CSGALNACT1: variants seen among roughly 807,000 people sequenced by gnomAD.
The protein encoded by CSGALNACT1 is chondroitin sulfate N-acetylgalactosaminyltransferase 1.
Under a neutral mutation model 51.0 loss-of-function variants are expected in CSGALNACT1, and 52 were observed. The ratio of observed to expected loss-of-function variants is 1.02; its 90% CI spans 0.82 to 1.29. The LOEUF is 1.29. Ranked by LOEUF, CSGALNACT1 falls within the 50% of genes most tolerant of loss-of-function variation. CSGALNACT1 has a pLI of 0.00. For missense variants in CSGALNACT1, 935 were observed against 679.2 expected, an observed-to-expected ratio of 1.38 and a Z score of -4.19; for synonymous variants, 341 against 254.4, an observed-to-expected ratio of 1.34 and a Z score of -3.24.
At chr8:19,695,753 T>C (rs2061549729) in intron 1 of CSGALNACT1, among the ~76,000 whole-genome samples, 1 of 152,290 alleles carries the variant, frequency 6.6e-6, no homozygotes, top group African/African-American at 2.4e-5. Context: ...TGTGATATCA[T>C]GCACATGTTG....
intron 1 of CSGALNACT1, among the ~76,000 whole-genome samples, chr8:19,672,346 C>T (rs1329446577): frequency 6.6e-6 from 1 of 151,886 alleles, no homozygotes; most frequent in African/African-American, 2.4e-5. Flanking sequence ...AATAAATGAA[C>T]AAAAAAAATT....
intron 3 of CSGALNACT1, among the ~76,000 whole-genome samples, chr8:19,545,971 T>A (rs868282035): frequency 6.6e-6 from 1 of 151,714 alleles, no homozygotes; most frequent in Non-Finnish European, 1.5e-5. Context: ...GCAAACTGCA[T>A]GTATAGTTAT....
At chr8:19,642,116 A>G (rs557871740) in intron 1 of CSGALNACT1, 1 of 152,348 alleles carries the variant, frequency 6.6e-6, no homozygotes, top group African/African-American at 2.4e-5. Flanking sequence ...ACAGAGTTCC[A>G]TTCTGCCTGA....
intron 1 of CSGALNACT1, among the ~76,000 whole-genome samples, chr8:19,621,276 GA>G (rs1014901885): frequency 4.6e-5 from 7 of 151,210 alleles, no homozygotes; most frequent in South Asian, 4.2e-4. Flanking sequence ...TTGATGAGGG[GA>G]AAAAAAACCC....
At chr8:19,426,647 C>T (rs536428264) in intron 6 of CSGALNACT1, among the ~76,000 whole-genome samples, 28 of 152,220 alleles carry the variant, frequency 1.8e-4, no homozygotes, top group Admixed American at 6.5e-4. Flanking sequence ...AAAACTCTTC[C>T]ATTTCCCAGT....
intron 3 of CSGALNACT1, among the ~76,000 whole-genome samples, chr8:19,540,262 C>A (rs1449553925): frequency 6.6e-6 from 1 of 152,184 alleles, no homozygotes; most frequent in Non-Finnish European, 1.5e-5. Context: ...CCCCTTCTGT[C>A]TGCTGAATTA....
intron 2 of CSGALNACT1, among the ~76,000 whole-genome samples, chr8:19,593,822 C>T (rs2048334215): frequency 6.6e-6 from 1 of 152,200 alleles, no homozygotes; most frequent in Non-Finnish European, 1.5e-5. Context: ...CATTCCTTCC[C>T]TTGAGGGCTG....
At chr8:19,721,643 G>A (rs1702270448) in intron 1 of CSGALNACT1, among the ~76,000 whole-genome samples, 1 of 152,138 alleles carries the variant, frequency 6.6e-6, no homozygotes, top group African/African-American at 2.4e-5. Context: ...CACATTCCAT[G>A]ACAAACACAG....
chr8:19,553,639 A>ATATATATATATATATATATATATAT (rs869251447), intron 3 of CSGALNACT1, among the ~76,000 whole-genome samples: 11 of 126,574 alleles, frequency 8.7e-5, no homozygotes, highest in South Asian at 2.5e-4. Context: ...ATATATATAT[A>ATATATATATATATATATATATATAT]AAAAAATATG....
intron 4 of CSGALNACT1, among the ~76,000 whole-genome samples, chr8:19,486,482 C>T (rs2072970508): frequency 6.6e-6 from 1 of 152,138 alleles, no homozygotes; most frequent in African/African-American, 2.4e-5. Context: ...CTTCTCAGAC[C>T]TCATCTCCTC....
At chr8:19,724,206 C>T (rs1267741403) in intron 1 of CSGALNACT1, among the ~76,000 whole-genome samples, 2 of 152,188 alleles carry the variant, frequency 1.3e-5, no homozygotes, top group African/African-American at 4.8e-5. Flanking sequence ...CAGCCTAAAA[C>T]CACCCAAGTG....
intron 2 of CSGALNACT1, among the ~76,000 whole-genome samples, chr8:19,593,871 T>G (rs556787906): frequency 1.3e-5 from 2 of 152,290 alleles, no homozygotes; most frequent in African/African-American, 4.8e-5. Context: ...CCCATCTGTC[T>G]CAAGACCCTT....
chr8:19,649,855 G>T (rs1207583745), intron 1 of CSGALNACT1, among the ~76,000 whole-genome samples: 4 of 54,750 alleles, frequency 7.3e-5, no homozygotes, highest in Non-Finnish European at 1.5e-4. Context: ...ACCACGGGGG[G>T]AGGCATTATG....
chr8:19,421,800 G>A (rs1213449881), intron 6 of CSGALNACT1, among the ~76,000 whole-genome samples: 2 of 152,296 alleles, frequency 1.3e-5, no homozygotes, highest in East Asian at 3.9e-4. Context: ...CTGGGAGTGA[G>A]CTTGGATTCT....
chr8:19,702,734 G>C (rs188858070), intron 1 of CSGALNACT1, among the ~76,000 whole-genome samples: 1 of 152,178 alleles, frequency 6.6e-6, no homozygotes, highest in Non-Finnish European at 1.5e-5. Context: ...AGTTCCATGT[G>C]TCTATACCAG....
intron 3 of CSGALNACT1, among the ~76,000 whole-genome samples, chr8:19,563,104 G>C (rs1453262222): frequency 1.3e-5 from 2 of 152,144 alleles, no homozygotes; most frequent in Non-Finnish European, 2.9e-5. Context: ...GCCATAAAAA[G>C]AAAGGAGATC....
chr8:19,440,122 G>T (rs554239091), intron 5 of CSGALNACT1, among the ~76,000 whole-genome samples, 191 bp from the exon 5 acceptor site: 3 of 152,080 alleles, frequency 2.0e-5, no homozygotes, highest in Non-Finnish European at 2.9e-5. Flanking sequence ...TCATCTTATC[G>T]GGACAACAAG....
At chr8:19,727,294 T>A (rs907573500) in intron 1 of CSGALNACT1, among the ~76,000 whole-genome samples, 4 of 151,546 alleles carry the variant, frequency 2.6e-5, no homozygotes, top group Non-Finnish European at 4.4e-5. Context: ...AGGCTGCACC[T>A]AGTAATTACA....
intron 1 of CSGALNACT1, among the ~76,000 whole-genome samples, chr8:19,649,947 C>A (rs950144972): frequency 6.7e-6 from 1 of 148,554 alleles, no homozygotes; most frequent in African/African-American, 2.5e-5. Flanking sequence ...ACATATGAAA[C>A]CACATCTTCA....
Sources: gnomAD v4.1 joint callset for allele counts (sites outside exome capture counted in the v4.1 genomes callset) on GRCh38, gnomAD v4.1.1 for gene constraint, MANE v1.5 for transcripts, NCBI Gene and HGNC (gene_info 2026-07-23, HGNC 2026-07-21) for gene names.